The following ATXN7L3B variants were observed in gnomAD, a reference collection of about 807,000 sequenced individuals.
The protein encoded by ATXN7L3B is ataxin 7 like 3B.
ATXN7L3B carries 4 observed loss-of-function variants against 6.3 expected under a neutral mutation model. The ratio of observed to expected loss-of-function variants is 0.63; its 90% CI spans 0.31 to 1.45. ATXN7L3B has a LOEUF of 1.45. Among genes scored for constraint, ATXN7L3B ranks in the 40% most tolerant of loss-of-function variants. The pLI is 0.07. For synonymous variants in ATXN7L3B, 63 were observed against 48.0 expected (o/e 1.31, Z -1.29); for missense variants, 120 against 118.5 (o/e 1.01, Z -0.06).
Position 74,544,605 on chromosome 12 carries a change from CTG to C in ATXN7L3B, c.*6202_*6203del, listed in dbSNP as rs981031592. The C allele has an allele frequency of 2.3e-4, 35 of 151,908 alleles. No individual in the cohort carries two copies. Among genetic ancestry groups the C allele is most frequent in the African/African-American group, 8.2e-4 (34 of 41,402 alleles). The allele number at this position is 151,908 out of a possible 1,614,324, so 9.4% of individuals were successfully genotyped here. A position where few individuals can be genotyped will look rare whatever the true frequency, so the allele number is the denominator to read the frequency against. ...AACAGATTATCCATAAATAATAAAA[CTG>C]TGCTCAGACACAAAATTAATTCCTA... On this transcript the variant is annotated 3_prime_UTR_variant, in exon 1 of 1. Coordinates refer to ENST00000519948, the MANE Select transcript of ATXN7L3B (RefSeq NM_001136262.2).
chr12:74,544,895 A>G lies in ATXN7L3B; in HGVS notation c.*6489A>G, dbSNP rs572831137. On this transcript the variant is annotated 3_prime_UTR_variant, in exon 1 of 1. Coordinates refer to ENST00000519948, the MANE Select transcript of ATXN7L3B (RefSeq NM_001136262.2). ...AGATTACTAACAAAATAGTTGTACA[A>G]TTGCCAAATGTATAAAGTAAAAGAA... 1.3e-5 allele frequency: 2 copies of G among 152,078 alleles called. No individual in the cohort carries two copies. The highest frequency in any genetic ancestry group is 4.8e-5 in the African/African-American group (2 of 41,442). The allele number at this position is 152,078 out of a possible 1,614,324, so 9.4% of individuals were successfully genotyped here. A position where few individuals can be genotyped will look rare whatever the true frequency, so the allele number is the denominator to read the frequency against.
rs1211030650 is a variant in ATXN7L3B, at chr12:74,538,754, G to A, written c.*348G>A. 7.8e-6 allele frequency: 2 copies of A among 255,554 alleles called. No homozygotes were observed. Among genetic ancestry groups the A allele is most frequent in the Admixed American group, 1.0e-4 (2 of 19,590 alleles). 15.8% of individuals were successfully genotyped at this position (255,554 alleles called of 1,614,324 possible). On this transcript the variant is annotated 3_prime_UTR_variant, in exon 1 of 1. Transcript: ENST00000519948. ...AGCATATAAAATTTTTGGTTCCTCA[G>A]CCTTTCTGTCTGCCTGATGTCAAGG...
chr12:74,541,098 T>C lies in ATXN7L3B; in HGVS notation c.*2692T>C, dbSNP rs1022344651. 6.0e-6 allele frequency: 1 copy of C among 166,592 alleles called. No homozygotes were observed. Among genetic ancestry groups the C allele is most frequent in the African/African-American group, 2.4e-5 (1 of 41,244 alleles). 10.3% of individuals were successfully genotyped at this position (166,592 alleles called of 1,614,324 possible). A position where few individuals can be genotyped will look rare whatever the true frequency, so the allele number is the denominator to read the frequency against. On this transcript the variant is annotated 3_prime_UTR_variant, in exon 1 of 1. Coordinates refer to ENST00000519948, the MANE Select transcript of ATXN7L3B (RefSeq NM_001136262.2). The stretch of plus-strand genomic sequence containing the variant: ...CCTATTTTTCCCTTGATTATGTGTA[T>C]TGATCACCCTGCAATCCTATTATGT...
chr12:74,541,564 A>G lies in ATXN7L3B; in HGVS notation c.*3158A>G, dbSNP rs1291386486. ...ATTGAACCTTAATACTTCCTCCCTAACAGGAGTTTTATCAGAACAGAGAAA... is the reference window on the plus strand; with the variant it reads ...ATTGAACCTTAATACTTCCTCCCTAGCAGGAGTTTTATCAGAACAGAGAAA... On this transcript the variant is annotated 3_prime_UTR_variant, in exon 1 of 1. Coordinates refer to ENST00000519948, the MANE Select transcript of ATXN7L3B (RefSeq NM_001136262.2). 1 of 153,186 alleles carries G rather than the reference A, an allele frequency of 6.5e-6. No homozygotes were observed. The allele number at this position is 153,186 out of a possible 1,614,324, so 9.5% of individuals were successfully genotyped here. A position where few individuals can be genotyped will look rare whatever the true frequency, so the allele number is the denominator to read the frequency against.
In ATXN7L3B at chr12:74,540,073, G is replaced by GTTT. The variant is rs58069390; in HGVS notation, c.*1677_*1679dup. ...CCCAATTTCTTTTTTCTTGGCCTCTGTTTTTTTTTTTTCTTTCTTTTTCCC... is the reference window on the plus strand; with the variant it reads ...CCCAATTTCTTTTTTCTTGGCCTCTGTTTTTTTTTTTTTTTCTTTCTTTTTCCC... On this transcript the variant is annotated 3_prime_UTR_variant, in exon 1 of 1. Coordinates refer to ENST00000519948, the MANE Select transcript of ATXN7L3B (RefSeq NM_001136262.2). 16 of 156,136 alleles carry GTTT rather than the reference G, an allele frequency of 1.0e-4. No individual in the cohort carries two copies. The highest frequency in any genetic ancestry group is 7.5e-5 in the Non-Finnish European group (5 of 66,974). 9.7% of individuals were successfully genotyped at this position (156,136 alleles called of 1,614,324 possible). A position where few individuals can be genotyped will look rare whatever the true frequency, so the allele number is the denominator to read the frequency against.
rs560410731 is a variant in ATXN7L3B at position 74,541,343 on chromosome 12, C to T, written c.*2937C>T. On this transcript the variant is annotated 3_prime_UTR_variant, in exon 1 of 1. Coordinates refer to ENST00000519948, the MANE Select transcript of ATXN7L3B (RefSeq NM_001136262.2). ...AGATTTTTATTTTTGCATAAGTAGTCCATCCTATACAGATAGCTGATTAAC... is the reference window on the plus strand; with the variant it reads ...AGATTTTTATTTTTGCATAAGTAGTTCATCCTATACAGATAGCTGATTAAC... 1.8e-5 allele frequency: 3 copies of T among 166,050 alleles called. No individual in the cohort carries two copies. In the South Asian group the frequency reaches 6.2e-4, roughly 34 times the overall value. 10.3% of individuals were successfully genotyped at this position (166,050 alleles called of 1,614,324 possible).
In ATXN7L3B at chr12:74,539,567, A is replaced by T. The variant is rs371371363; in HGVS notation, c.*1161A>T. The T allele has an allele frequency of 1.9e-4, 32 of 164,140 alleles. No homozygotes were observed. Among genetic ancestry groups the T allele is most frequent in the African/African-American group, 8.1e-4 (32 of 39,392 alleles). The allele number at this position is 164,140 out of a possible 1,614,324, so 10.2% of individuals were successfully genotyped here. On this transcript the variant is annotated 3_prime_UTR_variant, in exon 1 of 1. Coordinates refer to ENST00000519948, the MANE Select transcript of ATXN7L3B (RefSeq NM_001136262.2). The stretch of plus-strand genomic sequence containing the variant: ...CCCTGTTTTCTTTGGTTGGGCAGTC[A>T]GAGCTCTGCTATGGTGAACATCCAG...
Position 74,538,315 on chromosome 12 carries a change from G to A in ATXN7L3B, c.203G>A (p.Gly68Glu). Residue 68 changes from glycine (G) to glutamate (E), a missense_variant, in exon 1 of 1, where the codon GGA (glycine) becomes GAA (glutamate). Physicochemically the swap from Gly to Glu is moderately conservative, Grantham distance 98. Transcript: ENST00000519948. ...DFGIQPVEDK[G>E]ACRLPLCSLP... Reference sequence around the variant, plus strand: ...GGCATTCAGCCAGTGGAAGACAAAGGAGCGTGCCGCCTCCCGCTTTGCTCC... The same window carrying A: ...GGCATTCAGCCAGTGGAAGACAAAGAAGCGTGCCGCCTCCCGCTTTGCTCC... 2 of 1,554,318 alleles carry A rather than the reference G, an allele frequency of 1.3e-6. No individual in the cohort carries two copies.
At position 74,542,194 on chromosome 12, in the gene ATXN7L3B, C is replaced by G. The variant is rs1020503950; in HGVS notation, c.*3788C>G. ...GAGCACTCGATGTACTTGTCACTGT[C>G]CAGTTTAAATAGGCCAGGGCCAACG... On this transcript the variant is annotated 3_prime_UTR_variant, in exon 1 of 1. Transcript: ENST00000519948. The G allele has an allele frequency of 6.6e-6, 1 of 152,144 alleles. No individual in the cohort carries two copies. Among genetic ancestry groups the G allele is most frequent in the Non-Finnish European group, 1.5e-5 (1 of 68,018 alleles). The allele number at this position is 152,144 out of a possible 1,614,324, so 9.4% of individuals were successfully genotyped here. A position where few individuals can be genotyped will look rare whatever the true frequency, so the allele number is the denominator to read the frequency against.
Position 74,538,105 on chromosome 12 carries a change from A to G in ATXN7L3B, c.-8A>G. 1 of 1,552,474 alleles carries G rather than the reference A, an allele frequency of 6.4e-7. No individual in the cohort carries two copies. The highest frequency in any genetic ancestry group is 8.7e-7 in the Non-Finnish European group (1 of 1,147,068). ...GAGCGCCCTCTCCGCACTCGTTTAC[A>G]AATTAAAATGGAGGAAATTTCGTTG... On this transcript the variant is annotated 5_prime_UTR_variant, in exon 1 of 1. Coordinates refer to ENST00000519948, the MANE Select transcript of ATXN7L3B (RefSeq NM_001136262.2).
Position 74,538,458 on chromosome 12 carries a change from G to A in ATXN7L3B, c.*52G>A, listed in dbSNP as rs771034379. 1.4e-6 allele frequency: 2 copies of A among 1,468,870 alleles called. No homozygotes were observed. The highest frequency in any genetic ancestry group is 1.4e-5 in the African/African-American group (1 of 70,772). 91.0% of individuals were successfully genotyped at this position (1,468,870 alleles called of 1,614,324 possible). A position where few individuals can be genotyped will look rare whatever the true frequency, so the allele number is the denominator to read the frequency against. ...CAGGACAATAACATAGACTGGTCCT[G>A]TGGCTTCGAGGAGTAAGCTAAGTAG... is the stretch of plus-strand genomic sequence containing the variant. On this transcript the variant is annotated 3_prime_UTR_variant, in exon 1 of 1. Transcript: ENST00000519948.
rs1868763825 is a variant in ATXN7L3B at position 74,538,002 on chromosome 12, C to T, written c.-111C>T. On this transcript the variant is annotated 5_prime_UTR_variant, in exon 1 of 1. Transcript: ENST00000519948. ...TTGCGGACGCCACCGACCCCGCCGC[C>T]GGAGGACTGGGCACTGAAAGGCCTC... The T allele has an allele frequency of 2.9e-6, 3 of 1,039,106 alleles. No homozygotes were observed. The highest frequency in any genetic ancestry group is 2.8e-6 in the Non-Finnish European group (2 of 724,328). The allele number at this position is 1,039,106 out of a possible 1,614,324, so 64.4% of individuals were successfully genotyped here. A position where few individuals can be genotyped will look rare whatever the true frequency, so the allele number is the denominator to read the frequency against.
chr12:74,538,553 T>G lies in ATXN7L3B; in HGVS notation c.*147T>G. 1 of 780,064 alleles carries G rather than the reference T, an allele frequency of 1.3e-6. No homozygotes were observed. The allele number at this position is 780,064 out of a possible 1,614,324, so 48.3% of individuals were successfully genotyped here. On this transcript the variant is annotated 3_prime_UTR_variant, in exon 1 of 1. Coordinates refer to ENST00000519948, the MANE Select transcript of ATXN7L3B (RefSeq NM_001136262.2). Reference sequence around the variant, plus strand: ...GATCCTAGCATTTAAAAACCCAAAGTGGATAATTTAGGAATCCTTTTTTTA... The same window carrying G: ...GATCCTAGCATTTAAAAACCCAAAGGGGATAATTTAGGAATCCTTTTTTTA...
rs7959911 is a variant in ATXN7L3B at position 74,538,541 on chromosome 12, A to G, written c.*135A>G. The G allele has an allele frequency of 8.5e-5, 71 of 839,470 alleles. No individual in the cohort carries two copies. The highest frequency in any genetic ancestry group is 4.3e-4 in the East Asian group (16 of 37,402). 52.0% of individuals were successfully genotyped at this position (839,470 alleles called of 1,614,324 possible). On this transcript the variant is annotated 3_prime_UTR_variant, in exon 1 of 1. Transcript: ENST00000519948. Reference sequence around the variant, plus strand: ...TTCCCCCTTGAAGATCCTAGCATTTAAAAACCCAAAGTGGATAATTTAGGA... The same window carrying G: ...TTCCCCCTTGAAGATCCTAGCATTTGAAAACCCAAAGTGGATAATTTAGGA...
rs925881122 is a variant in ATXN7L3B, at chr12:74,538,057, C to A, written c.-56C>A. The A allele has an allele frequency of 3.9e-5, 59 of 1,511,280 alleles. No individual in the cohort carries two copies. The highest frequency in any genetic ancestry group is 4.9e-5 in the Non-Finnish European group (55 of 1,119,492). The allele number at this position is 1,511,280 out of a possible 1,614,324, so 93.6% of individuals were successfully genotyped here. ...CCTAGGCGCGGCCCGCGGAGCCAGA[C>A]GTGTTGCTGCCGTGAGTAAAACGAG... On this transcript the variant is annotated 5_prime_UTR_variant, in exon 1 of 1. Coordinates refer to ENST00000519948, the MANE Select transcript of ATXN7L3B (RefSeq NM_001136262.2).
chr12:74,538,187 G>T lies in ATXN7L3B; in HGVS notation c.75G>T (p.Leu25=). The T allele has an allele frequency of 6.3e-7, 1 of 1,599,976 alleles. No homozygotes were observed. Among genetic ancestry groups the T allele is most frequent in the Non-Finnish European group, 8.5e-7 (1 of 1,173,030 alleles). The change falls in exon 1 of 1, where the codon CTG becomes CTT. Residue 25 remains leucine (L), a synonymous_variant. Transcript: ENST00000519948. The part of the protein sequence containing the change: ...EAIAQEIYVD[L]IEDSCLGFCF... The stretch of plus-strand genomic sequence containing the variant: ...TCGCTCAGGAGATTTACGTAGACCT[G>T]ATAGAGGATTCTTGTTTGGGATTCT...
rs557543366 is a variant in ATXN7L3B at position 74,539,619 on chromosome 12, C to G, written c.*1213C>G. 5 of 167,082 alleles carry G rather than the reference C, an allele frequency of 3.0e-5. No homozygotes were observed. Among genetic ancestry groups the G allele is most frequent in the Admixed American group, 6.5e-5 (1 of 15,284 alleles). 10.3% of individuals were successfully genotyped at this position (167,082 alleles called of 1,614,324 possible). On this transcript the variant is annotated 3_prime_UTR_variant, in exon 1 of 1. Transcript: ENST00000519948. ...CTGTCACCACTTTCTGTCTGCCGCT[C>G]GAAAGGGATAGTCCTTTCCACTCGG... is the stretch of plus-strand genomic sequence containing the variant.
rs1235700344 is a variant in ATXN7L3B, at chr12:74,542,737, A to T, written c.*4331A>T. ...CTGAAGTAACTAAAAATTCAGGAAG[A>T]ACTTTCTTGTGCACACATTAATAAG... is the stretch of plus-strand genomic sequence containing the variant. On this transcript the variant is annotated 3_prime_UTR_variant, in exon 1 of 1. Transcript: ENST00000519948. 1.3e-5 allele frequency: 2 copies of T among 152,186 alleles called. No homozygotes were observed. The highest frequency in any genetic ancestry group is 6.5e-5 in the Admixed American group (1 of 15,280). 9.4% of individuals were successfully genotyped at this position (152,186 alleles called of 1,614,324 possible).
rs1868809167 is a variant in ATXN7L3B at position 74,539,015 on chromosome 12, G to C, written c.*609G>C. 6.0e-6 allele frequency: 1 copy of C among 167,994 alleles called. No individual in the cohort carries two copies. Among genetic ancestry groups the C allele is most frequent in the Non-Finnish European group, 1.5e-5 (1 of 68,788 alleles). 10.4% of individuals were successfully genotyped at this position (167,994 alleles called of 1,614,324 possible). A position where few individuals can be genotyped will look rare whatever the true frequency, so the allele number is the denominator to read the frequency against. Reference sequence around the variant, plus strand: ...AGCAAGAAGAAAAGGTCAAAACCACGTGTTTCCCAAAAGTCCAGACTACAA... The same window carrying C: ...AGCAAGAAGAAAAGGTCAAAACCACCTGTTTCCCAAAAGTCCAGACTACAA... On this transcript the variant is annotated 3_prime_UTR_variant, in exon 1 of 1. Coordinates refer to ENST00000519948, the MANE Select transcript of ATXN7L3B (RefSeq NM_001136262.2).
Sources: allele counts gnomAD v4.1 joint callset, GRCh38; gene constraint gnomAD v4.1.1; transcripts MANE v1.5; gene names NCBI Gene and HGNC (gene_info 2026-07-23, HGNC 2026-07-21).